Variants in RNF38 observed in about 807,000 individuals in gnomAD.
The protein encoded by RNF38 is E3 ubiquitin-protein ligase RNF38.
A neutral mutation model predicts 67.2 loss-of-function variants in RNF38; 15 were observed. The observed-to-expected ratio is 0.22, with a 90% CI of 0.15 to 0.34. RNF38 has a LOEUF of 0.34. Ranked by LOEUF, RNF38 falls within the 10% of genes least tolerant of loss-of-function variation. RNF38 has a pLI of 1.00. For synonymous variants in RNF38, 220 were observed against 218.8 expected (o/e 1.01, Z -0.05); for missense variants, 524 against 639.9 (o/e 0.82, Z 1.95).
At position 36,337,683 on chromosome 9, in the gene RNF38, G is replaced by T. The variant is rs1020591531; in HGVS notation, c.*2069C>A. ...CATTAAAAAAGATTAAACTATATGT[G>T]ATTTGTATGTAGCTGATTATTATGC... On this transcript the variant is annotated 3_prime_UTR_variant, in exon 12 of 12. Coordinates refer to ENST00000259605, the MANE Select transcript of RNF38 (RefSeq NM_022781.5). 1 of 152,434 alleles carries T rather than the reference G, an allele frequency of 6.6e-6. No homozygotes were observed. The allele number at this position is 152,434 out of a possible 1,614,324, so 9.4% of individuals were successfully genotyped here. A position where few individuals can be genotyped will look rare whatever the true frequency, so the allele number is the denominator to read the frequency against.
intron 3 of RNF38, among the ~76,000 whole-genome samples, chr9:36,371,368 T>C (rs1835364255): frequency 1.3e-5 from 2 of 152,202 alleles, no homozygotes; most frequent in Admixed American, 1.3e-4. Context: ...ATACAATCCT[T>C]TTTGCATTTT....
intron 2 of RNF38, among the ~76,000 whole-genome samples, chr9:36,376,697 G>T (rs886906689): frequency 1.3e-5 from 2 of 151,996 alleles, no homozygotes; most frequent in Non-Finnish European, 2.9e-5. Flanking sequence ...AGGCAGAGGC[G>T]GGTGGATCAC....
upstream of RNF38, chr9:36,487,587 C>T: frequency 2.0e-6 from 2 of 980,540 alleles, no homozygotes; most frequent in Non-Finnish European, 2.4e-6. Context: ...GCGGCTCCGG[C>T]TGCGACTCGA....
chr9:36,347,637 T>A (rs1326151020), intron 9 of RNF38, among the ~76,000 whole-genome samples: 1 of 152,354 alleles, frequency 6.6e-6, no homozygotes, highest in East Asian at 1.9e-4. Flanking sequence ...ACTGAACGAC[T>A]GGCTATTCGC....
At chr9:36,425,682 G>A (rs1022081067) in intron 1 of RNF38, among the ~76,000 whole-genome samples, 1 of 152,142 alleles carries the variant, frequency 6.6e-6, no homozygotes, top group Middle Eastern at 3.4e-3. Context: ...CTGCATGAGT[G>A]AGACCCTGTT....
At chr9:36,381,691 C>T (rs539476893) in intron 2 of RNF38, among the ~76,000 whole-genome samples, 1 of 152,268 alleles carries the variant, frequency 6.6e-6, no homozygotes, top group South Asian at 2.1e-4. Flanking sequence ...CTGAATCCAC[C>T]TAAAATCTTT....
At chr9:36,390,407 A>G in intron 2 of RNF38, 60 bp downstream of exon 2, 11 of 1,434,980 alleles carry the variant, frequency 7.7e-6, no homozygotes, top group Non-Finnish European at 1.0e-5. Context: ...AAGCCTTCCT[A>G]GAAACACTGT....
chr9:36,370,880 GCCTGGGCGA>G (rs1835327454), intron 3 of RNF38, among the ~76,000 whole-genome samples: 1 of 152,024 alleles, frequency 6.6e-6, no homozygotes, highest in African/African-American at 2.4e-5. Context: ...CTGCACTCCA[GCCTGGGCGA>G]CAGAGTGAGA....
At chr9:36,346,288 C>T (rs537657079) in intron 9 of RNF38, among the ~76,000 whole-genome samples, 11 of 152,244 alleles carry the variant, frequency 7.2e-5, no homozygotes, top group Non-Finnish European at 1.5e-5. Flanking sequence ...TAACTGCAAC[C>T]TCTGCCTCCC....
chr9:36,341,019 A>G (rs1429477672), intron 11 of RNF38, among the ~76,000 whole-genome samples: 1 of 152,034 alleles, frequency 6.6e-6, no homozygotes, highest in East Asian at 1.9e-4. Context: ...CCTGTCTCTC[A>G]GAAATTACCT....
chr9:36,414,775 T>C (rs186181319), intron 2 of RNF38, among the ~76,000 whole-genome samples: 1 of 152,340 alleles, frequency 6.6e-6, no homozygotes, highest in Admixed American at 6.5e-5. Context: ...CAGCATTTGT[T>C]TGTCTGAATA....
chr9:36,342,204 C>A (rs1262387338), intron 11 of RNF38, 121 bp downstream of exon 11: 2 of 715,300 alleles, frequency 2.8e-6, no homozygotes, highest in Admixed American at 4.4e-5. Context: ...AGAGATCATA[C>A]TGAAAGCTGT....
intron 3 of RNF38, chr9:36,372,465 G>A (rs527648488): frequency 1.1e-5 from 7 of 658,272 alleles, no homozygotes; most frequent in East Asian, 5.6e-5. Context: ...CACTTCATTC[G>A]TTTTTTTCAA....
In RNF38 at chr9:36,448,860, G is replaced by C. The variant is rs536334736; in HGVS notation, n.242-24177C>G. On this transcript the variant is annotated intron_variant and non_coding_transcript_variant, in intron 1 of 3. Coordinates refer to the RNF38 transcript ENST00000488058. ...CTCTATTAAAAATACAAAAAAATTA[G>C]CTGGGCGCCTGCAATCCCAGCTACT... 5.9e-5 allele frequency among the ~76,000 whole-genome samples: 9 copies of C among 151,880 alleles called. No homozygotes were observed. The East Asian group carries it at 1.6e-3, about 26-fold the overall frequency.
At chr9:36,368,911 C>A (rs1309758487) in intron 4 of RNF38, among the ~76,000 whole-genome samples, 1 of 151,690 alleles carries the variant, frequency 6.6e-6, no homozygotes, top group Admixed American at 6.6e-5. Flanking sequence ...CTCAGAAACT[C>A]CACAGAAAAG....
At chr9:36,457,246 C>G (rs1459810274) in intron 1 of RNF38, among the ~76,000 whole-genome samples, 1 of 152,194 alleles carries the variant, frequency 6.6e-6, no homozygotes, top group Non-Finnish European at 1.5e-5. Flanking sequence ...AGGAATCAAT[C>G]ACATTTAAAC....
chr9:36,369,965 CT>C, intron 3 of RNF38, 33 bp from the exon 4 acceptor site: 1 of 1,547,168 alleles, frequency 6.5e-7, no homozygotes, highest in Non-Finnish European at 8.9e-7. Context: ...AGTCATTATG[CT>C]TATTGTGATC....
At chr9:36,410,243 C>G (rs951287650) in intron 2 of RNF38, among the ~76,000 whole-genome samples, 1 of 152,098 alleles carries the variant, frequency 6.6e-6, no homozygotes, top group African/African-American at 2.4e-5. Flanking sequence ...GGGTAAATAT[C>G]TGAATGGAGA....
chr9:36,457,137 C>T (rs781474972), intron 1 of RNF38, among the ~76,000 whole-genome samples: 4 of 150,600 alleles, frequency 2.7e-5, no homozygotes, highest in Non-Finnish European at 6.0e-5. Flanking sequence ...AAAACAAAAC[C>T]TTAAAATCTG....
Sources: allele counts gnomAD v4.1 joint callset (sites outside exome capture counted in the v4.1 genomes callset), GRCh38; gene constraint gnomAD v4.1.1; transcripts MANE v1.5; gene names NCBI Gene and HGNC (gene_info 2026-07-23, HGNC 2026-07-21).